RPSA2: variants seen among roughly 807,000 people sequenced by gnomAD.
The protein encoded by RPSA2 is ribosomal protein SA 2, also known as small ribosomal subunit protein uS2B.
the RPSA2 span, among the ~76,000 whole-genome samples, chr19:23,834,108 T>A: frequency 1.3e-5 from 2 of 152,036 alleles, no homozygotes; most frequent in Admixed American, 1.3e-4. Flanking sequence ...CTAGGGCCAC[T>A]CAATGTTTAG....
chr19:23,800,846 C>T, the RPSA2 span, among the ~76,000 whole-genome samples: 1 of 152,128 alleles, frequency 6.6e-6, no homozygotes, highest in African/African-American at 2.4e-5. Flanking sequence ...CTCCTGACCT[C>T]AGGTGATCCA....
the RPSA2 span, among the ~76,000 whole-genome samples, chr19:23,867,658 A>G: frequency 4.6e-5 from 7 of 151,858 alleles, no homozygotes; most frequent in East Asian, 1.9e-4. Context: ...GTGAAACCCC[A>G]CCTCTACTAA....
the RPSA2 span, among the ~76,000 whole-genome samples, chr19:23,794,649 G>A: frequency 2.0e-5 from 3 of 152,112 alleles, no homozygotes; most frequent in African/African-American, 7.2e-5. Flanking sequence ...TGTTTACTGT[G>A]TTGATAGTTT....
At chr19:23,763,596 GAAGCTGGGATT>G in the RPSA2 span, among the ~76,000 whole-genome samples, 6 of 152,274 alleles carry the variant, frequency 3.9e-5, no homozygotes, top group Middle Eastern at 3.4e-3. Context: ...CGCCTCCCGA[GAAGCTGGGATT>G]ACAGACCTGC....
At chr19:23,831,127 T>C in the RPSA2 span, among the ~76,000 whole-genome samples, 1 of 152,122 alleles carries the variant, frequency 6.6e-6, no homozygotes, top group South Asian at 2.1e-4. Context: ...TGGTCTCAGC[T>C]GACTCAAACT....
At chr19:23,794,213 A>C in the RPSA2 span, among the ~76,000 whole-genome samples, 1 of 152,184 alleles carries the variant, frequency 6.6e-6, no homozygotes, top group African/African-American at 2.4e-5. Context: ...TTGGGTATAT[A>C]CCCAATTATG....
At chr19:23,844,812 A>G in the RPSA2 span, among the ~76,000 whole-genome samples, 1 of 151,626 alleles carries the variant, frequency 6.6e-6, no homozygotes, top group Non-Finnish European at 1.5e-5. Flanking sequence ...TATTATCCTC[A>G]ATTTTTTGGA....
chr19:23,804,853 TCA>T, the RPSA2 span, among the ~76,000 whole-genome samples: 2 of 152,178 alleles, frequency 1.3e-5, no homozygotes, highest in Non-Finnish European at 2.9e-5. Flanking sequence ...TGTGCCCTTT[TCA>T]CAGTTTGCTT....
chr19:23,851,977 C>G, the RPSA2 span, among the ~76,000 whole-genome samples: 1 of 152,146 alleles, frequency 6.6e-6, no homozygotes, highest in Non-Finnish European at 1.5e-5. Context: ...TTGAACTATT[C>G]TACACCGAGC....
the RPSA2 span, chr19:23,827,090 C>T: frequency 6.7e-6 from 5 of 746,636 alleles, no homozygotes; most frequent in African/African-American, 8.6e-5. Flanking sequence ...GCAGCTTTTC[C>T]GCGCTACCTG....
At chr19:23,774,317 T>C in the RPSA2 span, among the ~76,000 whole-genome samples, 1 of 152,192 alleles carries the variant, frequency 6.6e-6, no homozygotes, top group Non-Finnish European at 1.5e-5. Context: ...TTGTGACATA[T>C]ATTTCCACTC....
the RPSA2 span, among the ~76,000 whole-genome samples, chr19:23,761,319 A>G: frequency 1.3e-5 from 2 of 152,020 alleles, no homozygotes; most frequent in Admixed American, 6.6e-5. Context: ...GGCTTAAGCA[A>G]TCATTCCACC....
At chr19:23,855,991 G>T in the RPSA2 span, among the ~76,000 whole-genome samples, 1 of 152,110 alleles carries the variant, frequency 6.6e-6, no homozygotes, top group East Asian at 1.9e-4. Flanking sequence ...TTCATGAAAA[G>T]AAATAAGATC....
the RPSA2 span, chr19:23,827,875 C>T: frequency 7.1e-6 from 7 of 981,340 alleles, no homozygotes; most frequent in African/African-American, 1.1e-4. Context: ...CTCCTGAGTT[C>T]ACTGCTACTC....
chr19:23,858,421 A>C, the RPSA2 span, among the ~76,000 whole-genome samples: 1 of 151,928 alleles, frequency 6.6e-6, no homozygotes, highest in Admixed American at 6.6e-5. Context: ...TGAAAAGAAC[A>C]ACTAGAGTTT....
chr19:23,843,820 C>A, the RPSA2 span, among the ~76,000 whole-genome samples: 1 of 152,092 alleles, frequency 6.6e-6, no homozygotes, highest in South Asian at 2.1e-4. Context: ...AGTGCAATGG[C>A]ATGGTCTCAG....
At chr19:23,805,121 G>GCACACACA in the RPSA2 span, among the ~76,000 whole-genome samples, 2 of 149,576 alleles carry the variant, frequency 1.3e-5, no homozygotes, top group Admixed American at 6.6e-5. Context: ...AAAATAAAAA[G>GCACACACA]CACACACACA....
the RPSA2 span, among the ~76,000 whole-genome samples, chr19:23,864,913 T>C: frequency 1.1e-4 from 16 of 152,206 alleles, no homozygotes; most frequent in East Asian, 3.1e-3. Flanking sequence ...CTTTACACAA[T>C]AAATGTGAAG....
the RPSA2 span, among the ~76,000 whole-genome samples, chr19:23,776,531 G>A: frequency 1.3e-5 from 2 of 152,230 alleles, no homozygotes; most frequent in Admixed American, 6.5e-5. Context: ...CTCAGGTAGT[G>A]TAACTCTCTT....
Sources: gnomAD v4.1 joint callset for allele counts (sites outside exome capture counted in the v4.1 genomes callset) on GRCh38, gnomAD v4.1.1 for gene constraint, MANE v1.5 for transcripts, NCBI Gene and HGNC (gene_info 2026-07-23, HGNC 2026-07-21) for gene names.